FAM168A: variants seen among roughly 807,000 people sequenced by gnomAD.
The protein encoded by FAM168A is family with sequence similarity 168 member A, also known as protein FAM168A.
In FAM168A, 3 loss-of-function variants were observed where a neutral mutation model predicts 28.5. That is an observed-to-expected ratio of 0.11 (90% CI 0.05 to 0.27). The LOEUF (loss-of-function observed/expected upper bound fraction) is 0.27. FAM168A is among the 10% of genes least tolerant of loss of function. FAM168A has a pLI of 1.00. For synonymous variants in FAM168A, 122 were observed against 124.2 expected, an observed-to-expected ratio of 0.98 and a Z score of 0.12; for missense variants, 222 against 311.5, an observed-to-expected ratio of 0.71 and a Z score of 2.16.
chr11:73,463,246 T>C (rs1867680511), intron 2 of FAM168A, among the ~76,000 whole-genome samples: 1 of 152,088 alleles, frequency 6.6e-6, no homozygotes, highest in Admixed American at 6.5e-5. Flanking sequence ...TCATTATAGG[T>C]GTGAGCCACC....
At chr11:73,549,581 C>T (rs1943801943) in intron 1 of FAM168A, among the ~76,000 whole-genome samples, 1 of 152,180 alleles carries the variant, frequency 6.6e-6, no homozygotes, top group Admixed American at 6.5e-5. Context: ...AACAGTCTAG[C>T]AGGCAGTCTG....
At chr11:73,582,383 C>A (rs1449100869) in intron 1 of FAM168A, among the ~76,000 whole-genome samples, 1 of 151,764 alleles carries the variant, frequency 6.6e-6, no homozygotes, top group Non-Finnish European at 1.5e-5. Flanking sequence ...ATTAGCCAGG[C>A]GTGGAGGCAC....
chr11:73,481,528 T>G (rs1305590896), intron 1 of FAM168A, among the ~76,000 whole-genome samples: 1 of 152,210 alleles, frequency 6.6e-6, no homozygotes, highest in Non-Finnish European at 1.5e-5. Flanking sequence ...AAAATTGTGA[T>G]CAGGGATTTC....
At chr11:73,479,074 T>C (rs1867931401) in intron 1 of FAM168A, among the ~76,000 whole-genome samples, 1 of 152,186 alleles carries the variant, frequency 6.6e-6, no homozygotes, top group South Asian at 2.1e-4. Context: ...AAGGGAACTC[T>C]GTTACCTGGG....
At chr11:73,472,173 A>C (rs188399375) in intron 1 of FAM168A, among the ~76,000 whole-genome samples, 2 of 152,236 alleles carry the variant, frequency 1.3e-5, no homozygotes, top group African/African-American at 4.8e-5. Flanking sequence ...CTGTAAAGAA[A>C]TCCACTCAGG....
chr11:73,578,661 T>C (rs1944204930), intron 1 of FAM168A, among the ~76,000 whole-genome samples: 1 of 152,232 alleles, frequency 6.6e-6, no homozygotes, highest in Non-Finnish European at 1.5e-5. Context: ...AAGTTTTAAA[T>C]ACCCAAGAAT....
intron 1 of FAM168A, among the ~76,000 whole-genome samples, chr11:73,587,439 C>T (rs1254672059): frequency 6.6e-6 from 1 of 151,924 alleles, no homozygotes; most frequent in Non-Finnish European, 1.5e-5. Context: ...TTGCAGTGAG[C>T]CCAGATCGCA....
intron 2 of FAM168A, among the ~76,000 whole-genome samples, chr11:73,432,439 TTTATTA>T (rs60205385): frequency 7.9e-5 from 12 of 151,224 alleles, no homozygotes; most frequent in South Asian, 2.1e-4. Flanking sequence ...CAACCCTTGT[TTTATTA>T]TTATTATTAT....
In FAM168A at chr11:73,540,926, C is replaced by T. The variant is rs943080066; in HGVS notation, c.-19+56997G>A. Among the ~76,000 whole-genome samples the T allele has an allele frequency of 2.6e-5, 4 of 152,188 alleles. 1 individual carries two copies. In the South Asian group the frequency reaches 6.2e-4, roughly 24 times the overall value. On this transcript the variant is annotated intron_variant, in intron 1 of 7. Coordinates refer to ENST00000356467, the MANE Select transcript of FAM168A (RefSeq NM_015159.3). The stretch of plus-strand genomic sequence containing the variant: ...CATTGAATAAATAATTAAATTAGTC[C>T]GGGTACGGTGGCTCGTGCCAGTAAT...
intron 1 of FAM168A, among the ~76,000 whole-genome samples, chr11:73,553,536 A>C (rs1943852626): frequency 6.6e-6 from 1 of 152,230 alleles, no homozygotes; most frequent in African/African-American, 2.4e-5. Context: ...TATGAAAGGC[A>C]GTATGGGGAG....
At chr11:73,442,176 A>C in intron 2 of FAM168A, among the ~76,000 whole-genome samples, 1 of 142,506 alleles carries the variant, frequency 7.0e-6, no homozygotes, top group Non-Finnish European at 1.5e-5. Context: ...CCCAGGCTGG[A>C]GTGCAATGGC....
chr11:73,464,250 A>G (rs753731342), intron 2 of FAM168A, among the ~76,000 whole-genome samples: 14 of 151,928 alleles, frequency 9.2e-5, no homozygotes, highest in Non-Finnish European at 1.5e-4. Flanking sequence ...AAGAATAAAC[A>G]AAGTACAAAT....
At chr11:73,523,304 T>A (rs1486722133) in intron 1 of FAM168A, among the ~76,000 whole-genome samples, 1 of 152,102 alleles carries the variant, frequency 6.6e-6, no homozygotes, top group Non-Finnish European at 1.5e-5. Context: ...AAGGAAGGCA[T>A]AATGATCATT....
chr11:73,420,277 C>T (rs1866768981), intron 3 of FAM168A, among the ~76,000 whole-genome samples: 1 of 152,218 alleles, frequency 6.6e-6, no homozygotes, highest in Non-Finnish European at 1.5e-5. Context: ...CCATGAATAA[C>T]CATCTCCTAC....
intron 1 of FAM168A, among the ~76,000 whole-genome samples, chr11:73,559,238 T>C (rs949536639): frequency 1.3e-5 from 2 of 152,114 alleles, no homozygotes; most frequent in Non-Finnish European, 2.9e-5. Flanking sequence ...TGAAACCCTG[T>C]CTCTACTAAA....
intron 2 of FAM168A, among the ~76,000 whole-genome samples, chr11:73,455,190 T>C (rs1867507199): frequency 6.6e-6 from 1 of 152,220 alleles, no homozygotes; most frequent in African/African-American, 2.4e-5. Flanking sequence ...AGCCCAAAAG[T>C]GGCCGGCTGG....
At chr11:73,538,428 G>A (rs2134673710) in intron 1 of FAM168A, among the ~76,000 whole-genome samples, 1 of 151,872 alleles carries the variant, frequency 6.6e-6, no homozygotes, top group South Asian at 2.1e-4. Flanking sequence ...GGCAAGGATT[G>A]AAATAGCCAA....
At chr11:73,529,523 G>C (rs922308684) in intron 1 of FAM168A, among the ~76,000 whole-genome samples, 1 of 152,180 alleles carries the variant, frequency 6.6e-6, no homozygotes, top group Non-Finnish European at 1.5e-5. Context: ...TAGGAAAGAG[G>C]ATATGTTTAA....
At chr11:73,556,548 G>A (rs1943892797) in intron 1 of FAM168A, among the ~76,000 whole-genome samples, 2 of 151,990 alleles carry the variant, frequency 1.3e-5, no homozygotes, top group Middle Eastern at 3.4e-3. Flanking sequence ...GGGAGAATGG[G>A]GCAATAGGGA....
Sources: allele counts gnomAD v4.1 joint callset (sites outside exome capture counted in the v4.1 genomes callset), GRCh38; gene constraint gnomAD v4.1.1; transcripts MANE v1.5; gene names NCBI Gene and HGNC (gene_info 2026-07-23, HGNC 2026-07-21).